DMTF1: variants seen among roughly 807,000 people sequenced by gnomAD.
The protein encoded by DMTF1 is cyclin-D-binding Myb-like transcription factor 1.
A neutral mutation model predicts 91.1 loss-of-function variants in DMTF1; 39 were observed. The ratio of observed to expected loss-of-function variants is 0.43; its 90% CI spans 0.33 to 0.56. The LOEUF is 0.56. Among genes scored for constraint, DMTF1 ranks in the 20% least tolerant of loss-of-function variants. DMTF1 has a pLI of 0.05. For missense variants in DMTF1, 750 were observed against 914.5 expected, an observed-to-expected ratio of 0.82 and a Z score of 2.32; for synonymous variants, 338 against 309.5, an observed-to-expected ratio of 1.09 and a Z score of -0.97.
intron 1 of DMTF1, among the ~76,000 whole-genome samples, chr7:87,158,439 T>C (rs1025279382): frequency 6.6e-6 from 1 of 152,112 alleles, no homozygotes; most frequent in African/African-American, 2.4e-5. Flanking sequence ...AAATACATTT[T>C]AGTCTTGCAA....
At chr7:87,180,903 T>C (rs1474301383) in intron 8 of DMTF1, among the ~76,000 whole-genome samples, 1 of 148,942 alleles carries the variant, frequency 6.7e-6, no homozygotes, top group Non-Finnish European at 1.5e-5. Flanking sequence ...TTGCGCAGGC[T>C]GGAGTACAGT....
chr7:87,157,956 A>T (rs1584174551), intron 1 of DMTF1, among the ~76,000 whole-genome samples: 1 of 152,080 alleles, frequency 6.6e-6, no homozygotes, highest in South Asian at 2.1e-4. Flanking sequence ...AGTACACATT[A>T]AAAGTATGTT....
chr7:87,177,770 C>G (rs1442159406), intron 7 of DMTF1, among the ~76,000 whole-genome samples: 1 of 152,106 alleles, frequency 6.6e-6, no homozygotes, highest in Non-Finnish European at 1.5e-5. Context: ...TCAGTTGTAT[C>G]TCTTTCTGTG....
intron 7 of DMTF1, among the ~76,000 whole-genome samples, chr7:87,178,050 A>G (rs1349279748): frequency 6.6e-6 from 1 of 152,124 alleles, no homozygotes; most frequent in Non-Finnish European, 1.5e-5. Context: ...ATAGCATTGA[A>G]TTTGTACATC....
At position 87,173,564 on chromosome 7, in the gene DMTF1, A is replaced by G. The variant is rs1295815940; in HGVS notation, c.357A>G (p.Ile119Met). Residue 119 changes from isoleucine to methionine, a missense_variant, in exon 6 of 18, where the codon ATA (isoleucine) becomes ATG (methionine). This residue lies in a region of DMTF1 where 150 missense variants were observed against 150.4 expected (regional missense o/e 1.00). Transcript: ENST00000331242. ...QILQNEQLDE[I>M]SPLGNEEVSA... Reference sequence around the variant, plus strand: ...TGCAGAATGAGCAACTAGATGAAATATCTCCCTTGGGTAACGAGGAAGTTT... The same window carrying G: ...TGCAGAATGAGCAACTAGATGAAATGTCTCCCTTGGGTAACGAGGAAGTTT... 1.2e-6 allele frequency: 2 copies of G among 1,610,006 alleles called. No homozygotes were observed. Among genetic ancestry groups the G allele is most frequent in the Non-Finnish European group, 1.7e-6 (2 of 1,178,078 alleles).
intron 1 of DMTF1, among the ~76,000 whole-genome samples, chr7:87,153,235 T>C (rs1789744280): frequency 6.6e-6 from 1 of 152,092 alleles, no homozygotes; most frequent in Admixed American, 6.6e-5. Context: ...AGTCTGACTC[T>C]CTTTAAAGAA....
At chr7:87,160,429 C>T (rs939965308) in intron 1 of DMTF1, among the ~76,000 whole-genome samples, 1 of 151,962 alleles carries the variant, frequency 6.6e-6, no homozygotes, top group Admixed American at 6.6e-5. Flanking sequence ...CGCCTGCCAC[C>T]ACACCCGGCT....
chr7:87,179,778 A>C, intron 8 of DMTF1, 76 bp downstream of exon 8: 2 of 1,332,346 alleles, frequency 1.5e-6, no homozygotes, highest in South Asian at 2.9e-5. Flanking sequence ...TTTTTTAAAC[A>C]ATAGAAATAT....
chr7:87,194,618 A>G (rs1469329462), intron 16 of DMTF1, 66 bp from the exon 17 acceptor site: 18 of 1,229,794 alleles, frequency 1.5e-5, no homozygotes, highest in East Asian at 2.4e-5. Flanking sequence ...ATACATACCT[A>G]TACATGGGAT....
intron 13 of DMTF1, among the ~76,000 whole-genome samples, chr7:87,190,061 C>A (rs569443759): frequency 6.6e-6 from 1 of 152,020 alleles, no homozygotes; most frequent in Non-Finnish European, 1.5e-5. Context: ...TCATATTTCA[C>A]ATAATTTACC....
In DMTF1 at chr7:87,194,836, A is replaced by G; in HGVS notation, c.2173+8A>G. 1.3e-6 allele frequency: 2 copies of G among 1,596,978 alleles called. No individual in the cohort carries two copies. Among genetic ancestry groups the G allele is most frequent in the South Asian group, 1.1e-5 (1 of 87,854 alleles). On this transcript the variant is annotated splice_region_variant and intron_variant, in intron 17 of 17. Transcript: ENST00000331242. ...CTTTGACAACACTAACAGGTACTGT[A>G]ATATAATACTTACTATGTGCCTGAT...
intron 11 of DMTF1, chr7:87,184,917 A>T: frequency 1.9e-6 from 1 of 513,362 alleles, no homozygotes; most frequent in South Asian, 1.5e-5. Flanking sequence ...GCGGCAGTGT[A>T]GCTTTTCCAC....
At chr7:87,192,890 A>C (rs1027146638) in intron 14 of DMTF1, 1 of 231,236 alleles carries the variant, frequency 4.3e-6, no homozygotes, top group African/African-American at 2.3e-5. Context: ...TACGTGCTAC[A>C]AAGAAAGAAA....
At chr7:87,161,090 G>A (rs954195598) in intron 1 of DMTF1, among the ~76,000 whole-genome samples, 13 of 151,868 alleles carry the variant, frequency 8.6e-5, no homozygotes, top group Non-Finnish European at 1.8e-4. Flanking sequence ...TTTGAATCTT[G>A]AACTGTGTGT....
At chr7:87,167,837 A>G (rs544607988) in intron 4 of DMTF1, among the ~76,000 whole-genome samples, 3 of 152,334 alleles carry the variant, frequency 2.0e-5, no homozygotes, top group African/African-American at 7.2e-5. Flanking sequence ...TAATTGGCCT[A>G]TCTATACAGA....
intron 11 of DMTF1, among the ~76,000 whole-genome samples, 162 bp from the exon 12 acceptor site, chr7:87,185,667 A>G (rs1434367039): frequency 1.3e-5 from 2 of 152,206 alleles, no homozygotes; most frequent in African/African-American, 4.8e-5. Context: ...CTGAAAGCAG[A>G]TCTGCACTCC....
chr7:87,190,145 T>G (rs1160612697), intron 13 of DMTF1, among the ~76,000 whole-genome samples: 4 of 152,106 alleles, frequency 2.6e-5, no homozygotes, highest in Non-Finnish European at 5.9e-5. Flanking sequence ...CAGACGTTGA[T>G]AAAGTCTGAT....
intron 1 of DMTF1, chr7:87,154,171 A>T (rs963355456): frequency 3.9e-5 from 6 of 152,352 alleles, no homozygotes; most frequent in South Asian, 2.1e-4. Context: ...CGTTACAAAA[A>T]TTGTCATGCT....
In DMTF1 at chr7:87,193,010, A is replaced by G. The variant is rs1398572008; in HGVS notation, c.1495-188A>G. On this transcript the variant is annotated intron_variant, in intron 14 of 17. Coordinates refer to ENST00000331242, the MANE Select transcript of DMTF1 (RefSeq NM_001142327.2). ...AGACCAGACCATAGAAATACACAGG[A>G]GCAAAGAGCAGCCTCTTAAACCTTC... 5.1e-6 allele frequency: 3 copies of G among 592,086 alleles called. No individual in the cohort carries two copies. In the Admixed American group the frequency reaches 8.9e-5, roughly 18 times the overall value. 36.7% of individuals were successfully genotyped at this position (592,086 alleles called of 1,614,324 possible). A position where few individuals can be genotyped will look rare whatever the true frequency, so the allele number is the denominator to read the frequency against.
Sources: gnomAD v4.1 joint callset for allele counts (sites outside exome capture counted in the v4.1 genomes callset) on GRCh38, gnomAD v4.1.1 for gene constraint, gnomAD v4.1.1 regional missense constraint, MANE v1.5 for transcripts, NCBI Gene and HGNC (gene_info 2026-07-23, HGNC 2026-07-21) for gene names.